The following NTRK3 variants were observed in gnomAD, a reference collection of about 807,000 sequenced individuals.
NTRK3 encodes NT-3 growth factor receptor.
Under a neutral mutation model 91.7 loss-of-function variants are expected in NTRK3, and 24 were observed. The observed-to-expected ratio is 0.26, with a 90% confidence interval of 0.19 to 0.37. NTRK3 has a LOEUF of 0.37. NTRK3 is among the 10% of genes least tolerant of loss of function. NTRK3 has a pLI of 1.00. For synonymous variants in NTRK3, 483 were observed against 404.0 expected, an observed-to-expected ratio of 1.20 and a Z score of -2.34; for missense variants, 880 against 1,068.9, an observed-to-expected ratio of 0.82 and a Z score of 2.46.
intron 10 of NTRK3, among the ~76,000 whole-genome samples, chr15:88,131,035 A>G (rs2041282907): frequency 6.6e-6 from 1 of 152,246 alleles, no homozygotes; most frequent in Admixed American, 6.5e-5. Context: ...CTATTTCAAA[A>G]TGAAAAGTTA....
intron 13 of NTRK3, among the ~76,000 whole-genome samples, chr15:88,099,753 G>A (rs1042710224): frequency 6.6e-6 from 1 of 152,088 alleles, no homozygotes; most frequent in Non-Finnish European, 1.5e-5. Context: ...TTTATTCTAT[G>A]ACCACATTGA....
intron 14 of NTRK3, among the ~76,000 whole-genome samples, chr15:87,943,675 T>G (rs2070129942): frequency 6.6e-6 from 1 of 151,910 alleles, no homozygotes; most frequent in Non-Finnish European, 1.5e-5. Context: ...AATCCATCCT[T>G]CTCCTCTCCT....
At chr15:87,948,823 AT>A (rs1302157015) in intron 14 of NTRK3, among the ~76,000 whole-genome samples, 2 of 152,156 alleles carry the variant, frequency 1.3e-5, no homozygotes, top group Non-Finnish European at 2.9e-5. Flanking sequence ...TTGGCTCAGG[AT>A]TTTTTACCTA....
chr15:88,132,447 G>A (rs1409084612), intron 10 of NTRK3, among the ~76,000 whole-genome samples: 2 of 152,166 alleles, frequency 1.3e-5, no homozygotes, highest in African/African-American at 2.4e-5. Context: ...TACTGGCCTT[G>A]CACTAAGCCC....
At chr15:88,201,442 G>T (rs1201430747) in intron 3 of NTRK3, among the ~76,000 whole-genome samples, 1 of 152,096 alleles carries the variant, frequency 6.6e-6, no homozygotes, top group African/African-American at 2.4e-5. Context: ...TCAAAACCTA[G>T]GCCAGCACAG....
At chr15:88,219,237 G>A (rs894564848) in intron 3 of NTRK3, among the ~76,000 whole-genome samples, 1 of 152,218 alleles carries the variant, frequency 6.6e-6, no homozygotes, top group African/African-American at 2.4e-5. Flanking sequence ...AAAGACAGGA[G>A]GGGCCTAAAA....
intron 5 of NTRK3, among the ~76,000 whole-genome samples, chr15:88,171,583 G>A (rs1319508769): frequency 6.6e-6 from 1 of 152,164 alleles, no homozygotes; most frequent in Non-Finnish European, 1.5e-5. Flanking sequence ...CATTTACTGA[G>A]TACCTACCAT....
At chr15:88,047,075 A>G (rs1031552880) in intron 13 of NTRK3, among the ~76,000 whole-genome samples, 1 of 152,148 alleles carries the variant, frequency 6.6e-6, no homozygotes, top group African/African-American at 2.4e-5. Context: ...AAGCCCCTTC[A>G]GTCACACAGG....
At chr15:88,135,295 T>C (rs2151194042) in exon 10 of NTRK3, 1 of 1,614,224 alleles carries the variant, frequency 6.2e-7, no homozygotes, top group Non-Finnish European at 8.5e-7. Context: ...CTGCCCATTG[T>C]GCAGCCAGTG....
intron 5 of NTRK3, among the ~76,000 whole-genome samples, chr15:88,174,457 C>T (rs894373282): frequency 2.0e-5 from 3 of 152,210 alleles, no homozygotes; most frequent in African/African-American, 7.2e-5. Context: ...CTGGCCTCCA[C>T]CCAGACACAC....
intron 10 of NTRK3, among the ~76,000 whole-genome samples, chr15:88,133,771 G>A (rs2151178636): frequency 6.6e-6 from 1 of 152,328 alleles, no homozygotes; most frequent in Non-Finnish European, 1.5e-5. Flanking sequence ...CTTTTACTGA[G>A]CATTCTGGGG....
chr15:87,954,247 G>A (rs1257133324), intron 14 of NTRK3, among the ~76,000 whole-genome samples: 2 of 152,138 alleles, frequency 1.3e-5, no homozygotes, highest in African/African-American at 2.4e-5. Context: ...CCAACTAGGG[G>A]ATATATGTGA....
At chr15:88,109,526 G>T (rs2051091873) in intron 13 of NTRK3, among the ~76,000 whole-genome samples, 1 of 152,178 alleles carries the variant, frequency 6.6e-6, no homozygotes, top group Non-Finnish European at 1.5e-5. Context: ...CAGTGCCAGA[G>T]ACGTCGTGGG....
intron 13 of NTRK3, among the ~76,000 whole-genome samples, chr15:88,075,316 AG>A (rs2047443254): frequency 6.6e-6 from 1 of 152,242 alleles, no homozygotes; most frequent in African/African-American, 2.4e-5. Flanking sequence ...CCGGGAACTC[AG>A]CGAGGATGTC....
chr15:87,912,151 G>A (rs1004332115), intron 17 of NTRK3, among the ~76,000 whole-genome samples: 1 of 152,154 alleles, frequency 6.6e-6, no homozygotes, highest in Admixed American at 6.5e-5. Context: ...TTGGAGAGCC[G>A]AAAATCTCTA....
chr15:88,152,300 TCAAAA>T (rs979655144), intron 5 of NTRK3, among the ~76,000 whole-genome samples: 2 of 152,086 alleles, frequency 1.3e-5, no homozygotes, highest in African/African-American at 2.4e-5. Flanking sequence ...AAACTCCATC[TCAAAA>T]CAAAACAAAA....
chr15:87,904,242 C>T (rs948045445), intron 17 of NTRK3, among the ~76,000 whole-genome samples: 12 of 151,856 alleles, frequency 7.9e-5, no homozygotes, highest in South Asian at 2.1e-4. Flanking sequence ...CCTCAGTTTC[C>T]GGGGTTCAAG....
At chr15:88,207,047 G>A (rs1166603826) in intron 3 of NTRK3, among the ~76,000 whole-genome samples, 1 of 152,164 alleles carries the variant, frequency 6.6e-6, no homozygotes, top group Non-Finnish European at 1.5e-5. Flanking sequence ...AGTCAAACTC[G>A]GAGTCACTGG....
At chr15:87,868,003 T>C (rs2064732470) in exon 19 of NTRK3, 1 of 230,216 alleles carries the variant, frequency 4.3e-6, no homozygotes. Context: ...AGTCAAAGGG[T>C]ATGTGTCGAT....
Sources: allele counts gnomAD v4.1 joint callset (sites outside exome capture counted in the v4.1 genomes callset), GRCh38; gene constraint gnomAD v4.1.1; transcripts MANE v1.5; gene names NCBI Gene and HGNC (gene_info 2026-07-23, HGNC 2026-07-21).